The following SAMSN1 variants were observed in gnomAD, a reference collection of about 807,000 sequenced individuals.
SAMSN1 encodes SAM domain, SH3 domain and nuclear localization signals 1, also known as SAM domain-containing protein SAMSN-1.
In SAMSN1, 31 loss-of-function variants were observed where a neutral mutation model predicts 42.0. The ratio of observed to expected loss-of-function variants is 0.74; its 90% CI spans 0.55 to 1.00. The LOEUF is 1.00. Among genes scored for constraint, SAMSN1 ranks in the 50% least tolerant of loss-of-function variants. The probability of loss-of-function intolerance (pLI) is 0.00; values close to 1 mark genes in which losing one functional copy is unlikely to be tolerated. For synonymous variants in SAMSN1, 178 were observed against 151.9 expected (o/e 1.17, Z -1.26); for missense variants, 464 against 439.4 (o/e 1.06, Z -0.50).
chr21:14,611,571 G>T (rs1481935227), intron 4 of SAMSN1, among the ~76,000 whole-genome samples: 1 of 152,228 alleles, frequency 6.6e-6, no homozygotes, highest in Non-Finnish European at 1.5e-5. Flanking sequence ...TACTGTATGT[G>T]CATGCAGAAT....
At chr21:14,566,297 C>G (rs1981113463) in intron 2 of SAMSN1, among the ~76,000 whole-genome samples, 1 of 152,100 alleles carries the variant, frequency 6.6e-6, no homozygotes, top group Non-Finnish European at 1.5e-5. Context: ...GCTAAGTAGT[C>G]AATTTCAAAA....
chr21:14,588,859 G>A (rs188115186), intron 7 of SAMSN1, among the ~76,000 whole-genome samples: 107 of 138,192 alleles, frequency 7.7e-4, no homozygotes, highest in African/African-American at 3.0e-3. Context: ...GTCTCTAATT[G>A]GTTTTCTTTT....
chr21:14,574,994 G>T (rs944925362), intron 2 of SAMSN1, among the ~76,000 whole-genome samples: 6 of 151,992 alleles, frequency 3.9e-5, no homozygotes, highest in Admixed American at 2.6e-4. Context: ...ACCAAAAATT[G>T]CTATTACTTA....
chr21:14,626,257 A>C (rs1156830009), intron 2 of SAMSN1, among the ~76,000 whole-genome samples: 9 of 152,252 alleles, frequency 5.9e-5, no homozygotes, highest in African/African-American at 1.9e-4. Flanking sequence ...AGCAATGGCA[A>C]CAAAAGCCAA....
chr21:14,505,972 T>A (rs1987382419), intron 5 of SAMSN1, among the ~76,000 whole-genome samples: 1 of 151,514 alleles, frequency 6.6e-6, no homozygotes, highest in Non-Finnish European at 1.5e-5. Flanking sequence ...AAATATATGA[T>A]CCCTGGGTGA....
intron 2 of SAMSN1, among the ~76,000 whole-genome samples, chr21:14,557,442 C>T (rs929336424): frequency 2.0e-5 from 3 of 152,136 alleles, no homozygotes; most frequent in African/African-American, 7.2e-5. Flanking sequence ...ATTCACGCCC[C>T]ATACTTCTTC....
intron 5 of SAMSN1, among the ~76,000 whole-genome samples, chr21:14,507,820 A>G (rs1010891833): frequency 9.4e-5 from 14 of 148,694 alleles, no homozygotes; most frequent in Non-Finnish European, 1.6e-4. Flanking sequence ...TATAGTCACC[A>G]AAACAGCATG....
intron 2 of SAMSN1, among the ~76,000 whole-genome samples, chr21:14,618,656 ATGTG>A (rs3050614): frequency 0.015 from 2,163 of 149,094 alleles, 29 homozygotes; most frequent in African/African-American, 0.018. Flanking sequence ...ACAGCTGTGT[ATGTG>A]TGTGTGTGTG....
At chr21:14,594,156 C>T (rs1468492722) in intron 6 of SAMSN1, 8 of 614,538 alleles carry the variant, frequency 1.3e-5, no homozygotes, top group Non-Finnish European at 1.8e-5. Context: ...CTCCACAAAG[C>T]TACCAAACTA....
intron 1 of SAMSN1, among the ~76,000 whole-genome samples, chr21:14,528,679 G>A (rs899146947): frequency 2.6e-5 from 4 of 152,148 alleles, no homozygotes; most frequent in Admixed American, 2.0e-4. Context: ...TTTATTGAAG[G>A]TATTTTTTTC....
intron 5 of SAMSN1, among the ~76,000 whole-genome samples, chr21:14,506,017 T>C (rs1282554076): frequency 6.6e-6 from 1 of 152,132 alleles, no homozygotes; most frequent in Non-Finnish European, 1.5e-5. Flanking sequence ...AAAAATTCTT[T>C]GAACTGAACA....
At chr21:14,541,817 C>T (rs192910076) in intron 1 of SAMSN1, among the ~76,000 whole-genome samples, 2 of 151,970 alleles carry the variant, frequency 1.3e-5, no homozygotes, top group African/African-American at 2.4e-5. Context: ...TCTAGCAAAA[C>T]CCCCATGTCT....
intron 7 of SAMSN1, among the ~76,000 whole-genome samples, chr21:14,491,630 T>C (rs1198546861): frequency 1.3e-5 from 2 of 152,212 alleles, no homozygotes; most frequent in African/African-American, 4.8e-5. Context: ...TTTCACAACT[T>C]ATTATTCTTT....
chr21:14,647,713 G>A (rs1200221674), intron 1 of SAMSN1, among the ~76,000 whole-genome samples: 1 of 136,426 alleles, frequency 7.3e-6, no homozygotes, highest in Admixed American at 7.7e-5. Flanking sequence ...TCCCTTGTAA[G>A]TTGGATTCCT....
intron 5 of SAMSN1, 114 bp downstream of exon 5, chr21:14,510,196 A>G: frequency 1.0e-6 from 1 of 998,552 alleles, no homozygotes; most frequent in Non-Finnish European, 1.5e-6. Flanking sequence ...CTCCACTTCT[A>G]CTGTTGGGAA....
At chr21:14,548,104 A>G (rs1980481317), upstream of SAMSN1, among the ~76,000 whole-genome samples, 1 of 152,196 alleles carries the variant, frequency 6.6e-6, no homozygotes, top group Non-Finnish European at 1.5e-5. Context: ...ATTGAAAGTC[A>G]TAAAAATACG....
chr21:14,573,547 A>G (rs1981368996), intron 2 of SAMSN1, among the ~76,000 whole-genome samples: 1 of 152,194 alleles, frequency 6.6e-6, no homozygotes, highest in Non-Finnish European at 1.5e-5. Context: ...AAAAACAAAA[A>G]CAAAACCCTA....
chr21:14,504,092 G>A (rs1345915509), intron 5 of SAMSN1, among the ~76,000 whole-genome samples: 1 of 152,236 alleles, frequency 6.6e-6, no homozygotes. Context: ...TGGGACAAAA[G>A]AATCTGAACA....
At chr21:14,629,679 G>C (rs994609599) in intron 2 of SAMSN1, among the ~76,000 whole-genome samples, 1 of 152,224 alleles carries the variant, frequency 6.6e-6, no homozygotes, top group South Asian at 2.1e-4. Flanking sequence ...GAGAATGCAC[G>C]GGGCCATAAT....
Sources: allele counts gnomAD v4.1 joint callset (sites outside exome capture counted in the v4.1 genomes callset), GRCh38; gene constraint gnomAD v4.1.1; transcripts MANE v1.5; gene names NCBI Gene and HGNC (gene_info 2026-07-23, HGNC 2026-07-21).